ANXA2: variants seen among roughly 807,000 people sequenced by gnomAD.
ANXA2 encodes the protein annexin II.
A neutral mutation model predicts 47.3 loss-of-function variants in ANXA2; 28 were observed. The ratio of observed to expected loss-of-function variants is 0.59; its 90% CI spans 0.44 to 0.81. The LOEUF (loss-of-function observed/expected upper bound fraction) is 0.81. Among genes scored for constraint, ANXA2 ranks in the 40% least tolerant of loss-of-function variants. The pLI is 0.00. For missense variants in ANXA2, 384 were observed against 414.3 expected (o/e 0.93, Z 0.64); for synonymous variants, 172 against 155.5 (o/e 1.11, Z -0.79).
chr15:60,388,550 A>T (rs148135010), intron 1 of ANXA2, among the ~76,000 whole-genome samples: 1 of 151,434 alleles, frequency 6.6e-6, no homozygotes, highest in African/African-American at 2.4e-5. Flanking sequence ...TGTTGAATAT[A>T]TCTTATTTCC....
At chr15:60,351,475 A>T (rs1433537108) in intron 10 of ANXA2, 6 of 617,992 alleles carry the variant, frequency 9.7e-6, no homozygotes, top group Non-Finnish European at 1.7e-5. Context: ...ACCCAAGTGC[A>T]TACGTGAGTT....
At chr15:60,369,680 C>T (rs566343676) in intron 3 of ANXA2, among the ~76,000 whole-genome samples, 18 of 152,210 alleles carry the variant, frequency 1.2e-4, no homozygotes, top group Non-Finnish European at 2.5e-4. Flanking sequence ...CTCTGTAGAA[C>T]TTGGGACCGA....
At chr15:60,357,641 A>T (rs1483262672) in intron 5 of ANXA2, among the ~76,000 whole-genome samples, 1 of 152,168 alleles carries the variant, frequency 6.6e-6, no homozygotes, top group Non-Finnish European at 1.5e-5. Context: ...AAAATACAAA[A>T]AATTAGCTGG....
rs576575917 is a variant in ANXA2 at position 60,350,858 on chromosome 15, C to T, written c.837+335G>A. ...CTGTATAGTGGGTGCTTAATAATCG[C>T]TCCCTTCCTCGCTTGTCTTGACTCT... On this transcript the variant is annotated intron_variant, in intron 11 of 12. Coordinates refer to ENST00000451270, the MANE Select transcript of ANXA2 (RefSeq NM_004039.3). Among the ~76,000 whole-genome samples the T allele has an allele frequency of 1.1e-3, 160 of 152,332 alleles. 1 individual carries two copies. The highest frequency in any genetic ancestry group is 1.9e-3 in the Non-Finnish European group (126 of 68,020).
At chr15:60,387,005 C>A (rs757671370) in intron 1 of ANXA2, 8 of 152,202 alleles carry the variant, frequency 5.3e-5, no homozygotes, top group African/African-American at 1.2e-4. Context: ...ATTCTTTGAT[C>A]AAGGAAACTG....
chr15:60,389,894 T>C (rs2062984690), intron 1 of ANXA2, among the ~76,000 whole-genome samples: 1 of 152,212 alleles, frequency 6.6e-6, no homozygotes, highest in Non-Finnish European at 1.5e-5. Context: ...TATCTTGCCT[T>C]TCACTGCCAG....
intron 11 of ANXA2, among the ~76,000 whole-genome samples, chr15:60,349,566 A>G (rs1037368319): frequency 6.6e-5 from 10 of 152,126 alleles, no homozygotes; most frequent in African/African-American, 2.4e-4. Flanking sequence ...CCTGGTCCCA[A>G]GCATTTTGGA....
chr15:60,371,582 A>G (rs1359204908), intron 3 of ANXA2, among the ~76,000 whole-genome samples: 1 of 152,170 alleles, frequency 6.6e-6, no homozygotes, highest in African/African-American at 2.4e-5. Flanking sequence ...AGACACACTG[A>G]CTGCACAAAG....
At chr15:60,379,785 G>C (rs1595697782) in intron 3 of ANXA2, among the ~76,000 whole-genome samples, 1 of 152,286 alleles carries the variant, frequency 6.6e-6, no homozygotes, top group African/African-American at 2.4e-5. Context: ...GATCAAACTG[G>C]AATGTCGGAA....
chr15:60,387,597 T>C (rs1396681384), intron 1 of ANXA2, among the ~76,000 whole-genome samples: 1 of 152,092 alleles, frequency 6.6e-6, no homozygotes, highest in Non-Finnish European at 1.5e-5. Context: ...AAGGCAAAAT[T>C]ATGGGGACAG....
intron 2 of ANXA2, 143 bp downstream of exon 2, chr15:60,385,885 A>G (rs1189431251): frequency 9.1e-6 from 5 of 550,866 alleles, no homozygotes; most frequent in Non-Finnish European, 1.6e-5. Flanking sequence ...GAACAGCTGA[A>G]GTATTAAGAA....
At chr15:60,382,051 G>GGGGA (rs138999986) in intron 3 of ANXA2, among the ~76,000 whole-genome samples, 5 of 137,782 alleles carry the variant, frequency 3.6e-5, no homozygotes, top group Admixed American at 2.3e-4. Flanking sequence ...AAAGAAGGGA[G>GGGGA]GGGAGGGAGG....
chr15:60,392,085 C>A (rs1412218389), intron 1 of ANXA2, among the ~76,000 whole-genome samples: 1 of 152,082 alleles, frequency 6.6e-6, no homozygotes, highest in Non-Finnish European at 1.5e-5. Context: ...CTGATAAGAG[C>A]CATACCCACC....
intron 3 of ANXA2, among the ~76,000 whole-genome samples, chr15:60,381,375 G>C (rs1346910333): frequency 6.6e-6 from 1 of 152,162 alleles, no homozygotes; most frequent in Non-Finnish European, 1.5e-5. Flanking sequence ...TATCCAAGGG[G>C]GGAAAAGTGG....
At chr15:60,388,786 G>A (rs1020640603) in intron 1 of ANXA2, among the ~76,000 whole-genome samples, 2 of 148,224 alleles carry the variant, frequency 1.3e-5, no homozygotes, top group South Asian at 4.3e-4. Flanking sequence ...CTGTTACCCA[G>A]GCTGGAGTGC....
chr15:60,369,610 CGTGAA>C (rs566962336), intron 3 of ANXA2, among the ~76,000 whole-genome samples: 62 of 152,332 alleles, frequency 4.1e-4, no homozygotes, highest in African/African-American at 1.4e-3. Context: ...ATTAAAATCA[CGTGAA>C]GCACTTATTA....
At chr15:60,347,774 AATGAAGCTTCTCCC>A in intron 12 of ANXA2, 85 bp from the exon 13 acceptor site, 1 of 1,191,166 alleles carries the variant, frequency 8.4e-7, no homozygotes, top group East Asian at 2.4e-5. Context: ...CTCAACGCAC[AATGAAGCTTCTCCC>A]ATGACAAAGA....
At chr15:60,382,199 G>T in intron 3 of ANXA2, 143 bp downstream of exon 3, 2 of 592,598 alleles carry the variant, frequency 3.4e-6, no homozygotes, top group South Asian at 2.0e-5. Context: ...GGAGGCATGG[G>T]TTGAGCTAGG....
chr15:60,351,640 C>T, intron 10 of ANXA2, 84 bp downstream of exon 10: 2 of 879,966 alleles, frequency 2.3e-6, no homozygotes, highest in Non-Finnish European at 3.8e-6. Flanking sequence ...ACCTCCCAAA[C>T]ACATTTGGAT....
Sources: allele counts gnomAD v4.1 joint callset (sites outside exome capture counted in the v4.1 genomes callset), GRCh38; gene constraint gnomAD v4.1.1; transcripts MANE v1.5; gene names NCBI Gene and HGNC (gene_info 2026-07-23, HGNC 2026-07-21).